GDF5: variants seen among roughly 807,000 people sequenced by gnomAD.
The protein encoded by GDF5 is growth/differentiation factor 5.
Under a neutral mutation model 34.6 loss-of-function variants are expected in GDF5, and 17 were observed. The ratio of observed to expected loss-of-function variants is 0.49; its 90% CI spans 0.34 to 0.74. The LOEUF (loss-of-function observed/expected upper bound fraction) is 0.74, where lower values mean the gene tolerates loss of function less well. Ranked by LOEUF, GDF5 falls within the 30% of genes least tolerant of loss-of-function variation. GDF5 has a pLI of 0.01. For missense variants in GDF5, 616 were observed against 661.2 expected (o/e 0.93, Z 0.75); for synonymous variants, 332 against 290.7 (o/e 1.14, Z -1.44).
At chr20:35,449,738 C>T (rs2062524654) in intron 1 of GDF5, among the ~76,000 whole-genome samples, 1 of 152,154 alleles carries the variant, frequency 6.6e-6, no homozygotes, top group South Asian at 2.1e-4. Flanking sequence ...AATCCCAGCA[C>T]TTTGGGAGGC....
intron 1 of GDF5, chr20:35,435,208 T>G (rs2062466376): frequency 5.3e-6 from 2 of 377,586 alleles, no homozygotes; most frequent in Non-Finnish European, 1.0e-5. Flanking sequence ...CCCAGCACTT[T>G]GGGAGGCTGA....
At chr20:35,439,982 T>C (rs2062492723), upstream of GDF5, among the ~76,000 whole-genome samples, 1 of 132,500 alleles carries the variant, frequency 7.5e-6, no homozygotes, top group South Asian at 2.6e-4. Flanking sequence ...AGTGGTGCGA[T>C]CTTGGCTCAC....
chr20:35,446,171 G>A (rs1257703442), intron 1 of GDF5, among the ~76,000 whole-genome samples: 2 of 150,872 alleles, frequency 1.3e-5, no homozygotes, highest in Non-Finnish European at 2.9e-5. Context: ...ATAGCTGAAT[G>A]TGGTGGCAGG....
intron 1 of GDF5, among the ~76,000 whole-genome samples, chr20:35,445,916 C>T (rs2062512475): frequency 6.6e-6 from 1 of 152,022 alleles, no homozygotes; most frequent in South Asian, 2.1e-4. Context: ...TTGCAGTGAG[C>T]TGAGATCGCG....
At chr20:35,435,240 C>T in intron 1 of GDF5, 1 of 309,410 alleles carries the variant, frequency 3.2e-6, no homozygotes, top group Non-Finnish European at 6.2e-6. Flanking sequence ...TGCTTGAGCT[C>T]CGGAGTTCGA....
Position 35,434,629 on chromosome 20 carries a change from C to T in GDF5, c.786G>A (p.Gln262=), listed in dbSNP as rs1301676444. Residue 262 remains glutamine, a synonymous_variant, in exon 2 of 2, where the codon CAG becomes CAA. Transcript: ENST00000374369. ...CGCTGGGGCAGCTGGACAGCTTCAG[C>T]TGGGCAGCCCGCCCGCCTCCGGGGG... ...PAAPGGGRAA[Q]LKLSSCPSGR... The T allele has an allele frequency of 1.9e-6, 3 of 1,606,458 alleles. No individual in the cohort carries two copies. The highest frequency in any genetic ancestry group is 4.5e-5 in the East Asian group (2 of 44,664).
chr20:35,449,450 C>T (rs1180482923), intron 1 of GDF5, among the ~76,000 whole-genome samples: 2 of 151,992 alleles, frequency 1.3e-5, no homozygotes, highest in Admixed American at 6.6e-5. Context: ...CTAATTTTAG[C>T]GTTTTTATCC....
At position 35,448,287 on chromosome 20, in the gene GDF5, C is replaced by A. The variant is rs1764933768; in HGVS notation, c.-398+6353G>T. Among the ~76,000 whole-genome samples, 3 of 151,636 alleles carry A rather than the reference C, an allele frequency of 2.0e-5. No individual in the cohort carries two copies. In the South Asian group the frequency reaches 6.2e-4, roughly 32 times the overall value. On this transcript the variant is annotated intron_variant, in intron 1 of 3. Transcript: ENST00000374372. ...AAGTACTGTTATCCCCATATTGCAG[C>A]TGAGGAATTTGAGGCTCAGAAAGGG...
Position 35,437,421 on chromosome 20 carries a change from G to C in GDF5, c.508C>G (p.His170Asp). Residue 170 changes from histidine (H) to aspartate (D), a missense_variant, in exon 1 of 2, where the codon CAC becomes GAC. Transcript: ENST00000374369. ...CTGTACAGCGAGAGCATGTACTCGTGGGGTGTGATGGGGGGTGGGCGAAAC... is the reference window on the plus strand; with the variant it reads ...CTGTACAGCGAGAGCATGTACTCGTCGGGTGTGATGGGGGGTGGGCGAAAC... The part of the protein sequence containing the change: ...EPFRPPPITP[H>D]EYMLSLYRTL... 6.2e-7 allele frequency: 1 copy of C among 1,613,548 alleles called. No homozygotes were observed. The highest frequency in any genetic ancestry group is 2.2e-5 in the East Asian group (1 of 44,864).
chr20:35,443,901 C>T (rs568981031), intron 1 of GDF5, among the ~76,000 whole-genome samples: 31 of 152,050 alleles, frequency 2.0e-4, no homozygotes, highest in Non-Finnish European at 4.1e-4. Flanking sequence ...TTTTCAAGCA[C>T]TTGTCAATTT....
Position 35,435,083 on chromosome 20 carries a change from C to T in GDF5, c.632-300G>A, listed in dbSNP as rs2062465733. On this transcript the variant is annotated intron_variant, in intron 1 of 1. Coordinates refer to ENST00000374369, the MANE Select transcript of GDF5 (RefSeq NM_000557.5). Reference sequence around the variant, plus strand: ...AGAGATTTATCAGCTTTGTAACTGCCTTCTACCTATCTCTCTCCCAGCCAT... The same window carrying T: ...AGAGATTTATCAGCTTTGTAACTGCTTTCTACCTATCTCTCTCCCAGCCAT... 1.1e-5 allele frequency: 7 copies of T among 610,148 alleles called. No individual in the cohort carries two copies. The South Asian group carries it at 1.2e-4, about 11-fold the overall frequency. 37.8% of individuals were successfully genotyped at this position (610,148 alleles called of 1,614,324 possible).
chr20:35,439,135 C>T (rs2062488831), upstream of GDF5, among the ~76,000 whole-genome samples: 1 of 151,888 alleles, frequency 6.6e-6, no homozygotes, highest in African/African-American at 2.4e-5. Flanking sequence ...CCACCACCAC[C>T]CCAGCAGAGA....
chr20:35,450,270 C>T (rs550314260), intron 1 of GDF5, among the ~76,000 whole-genome samples: 2 of 150,802 alleles, frequency 1.3e-5, no homozygotes, highest in African/African-American at 2.4e-5. Context: ...CGTGCCACTG[C>T]ACTCCAGCCT....
rs2062482981 is a variant in GDF5 at position 35,438,101 on chromosome 20, G to A, written c.-173C>T. The stretch of plus-strand genomic sequence containing the variant: ...CTGAGACTCTTGAAGTCTGCCGGGT[G>A]TGTGTTTGTATCCAGTCCCATAGTG... On this transcript the variant is annotated 5_prime_UTR_variant, in exon 1 of 2. Transcript: ENST00000374369. The A allele has an allele frequency of 2.3e-5, 17 of 723,760 alleles. No individual in the cohort carries two copies. Among genetic ancestry groups the A allele is most frequent in the South Asian group, 1.8e-4 (11 of 60,810 alleles). 44.8% of individuals were successfully genotyped at this position (723,760 alleles called of 1,614,324 possible).
Position 35,437,746 on chromosome 20 carries a change from C to A in GDF5, c.183G>T (p.Gly61=). ...TGGCCCCCCCACCATAGCTGTGACC[C>A]CCTGGCCTGAAGACGTTCCGGGCCA... ...PPLARNVFRP[G]GHSYGGGATN... The change falls in exon 1 of 2, where the codon GGG becomes GGT. Residue 61 remains glycine (G), a synonymous_variant. Transcript: ENST00000374369. The A allele has an allele frequency of 6.2e-7, 1 of 1,613,184 alleles. No individual in the cohort carries two copies. The highest frequency in any genetic ancestry group is 8.5e-7 in the Non-Finnish European group (1 of 1,179,608).
upstream of GDF5, among the ~76,000 whole-genome samples, chr20:35,439,290 T>TGG (rs2062489533): frequency 6.7e-6 from 1 of 149,082 alleles, no homozygotes. Context: ...TGCAGTGGCA[T>TGG]GATCTCAGCT....
chr20:35,439,449 G>A (rs541588614), upstream of GDF5, among the ~76,000 whole-genome samples: 3 of 151,952 alleles, frequency 2.0e-5, no homozygotes, highest in Non-Finnish European at 4.4e-5. Flanking sequence ...GGATGGTCTC[G>A]ATCTCCTGAC....
rs1369905088 is a variant in GDF5 at position 35,435,137 on chromosome 20, T to C, written c.632-354A>G. The C allele has an allele frequency of 4.2e-5, 24 of 577,176 alleles. No individual in the cohort carries two copies. In the Admixed American group the frequency reaches 5.6e-4, roughly 13 times the overall value. 35.8% of individuals were successfully genotyped at this position (577,176 alleles called of 1,614,324 possible). A position where few individuals can be genotyped will look rare whatever the true frequency, so the allele number is the denominator to read the frequency against. On this transcript the variant is annotated intron_variant, in intron 1 of 1. Transcript: ENST00000374369. ...CTAACGTGATGTCTCATTTGTGAGA[T>C]AGGTGGAGTGAGCATTAAAATTACT...
chr20:35,439,236 CTT>C (rs1210665697), upstream of GDF5, among the ~76,000 whole-genome samples: 348 of 129,218 alleles, frequency 2.7e-3, no homozygotes, highest in African/African-American at 9.4e-3. Context: ...CCACATGACG[CTT>C]TTTTTTTTTT....
Sources: allele counts gnomAD v4.1 joint callset (sites outside exome capture counted in the v4.1 genomes callset), GRCh38; gene constraint gnomAD v4.1.1; transcripts MANE v1.5; gene names NCBI Gene and HGNC (gene_info 2026-07-23, HGNC 2026-07-21).